The following KIAA0825 variants were observed in gnomAD, a reference collection of about 807,000 sequenced individuals.
The protein encoded by KIAA0825 is KIAA0825.
A neutral mutation model predicts 147.6 loss-of-function variants in KIAA0825; 119 were observed. The observed-to-expected ratio is 0.81, with a 90% confidence interval of 0.69 to 0.94. The LOEUF is 0.94. KIAA0825 is among the 40% of genes least tolerant of loss of function. The pLI, the probability that KIAA0825 is intolerant of heterozygous loss-of-function variation, is 0.00. For synonymous variants in KIAA0825, 470 were observed against 518.1 expected, an observed-to-expected ratio of 0.91 and a Z score of 1.26; for missense variants, 1,381 against 1,472.7, an observed-to-expected ratio of 0.94 and a Z score of 1.02.
At chr5:94,476,520 A>G (rs558189221) in intron 7 of KIAA0825, among the ~76,000 whole-genome samples, 106 of 152,310 alleles carry the variant, frequency 7.0e-4, no homozygotes, top group Middle Eastern at 6.8e-3. Flanking sequence ...TGTCACAGCC[A>G]TTATCAGAGA....
intron 20 of KIAA0825, among the ~76,000 whole-genome samples, chr5:94,170,463 G>A (rs1768516627): frequency 6.6e-6 from 1 of 152,192 alleles, no homozygotes; most frequent in African/African-American, 2.4e-5. Context: ...TGGGGATGAT[G>A]AGACCCATTC....
At chr5:94,237,251 C>T (rs1465715743) in intron 20 of KIAA0825, among the ~76,000 whole-genome samples, 1 of 152,076 alleles carries the variant, frequency 6.6e-6, no homozygotes, top group Non-Finnish European at 1.5e-5. Context: ...AAAAATCTTG[C>T]AGGATTTTTG....
intron 13 of KIAA0825, among the ~76,000 whole-genome samples, 192 bp from the exon 14 acceptor site, chr5:94,440,313 G>C (rs191399075): frequency 6.1e-4 from 93 of 152,226 alleles, no homozygotes; most frequent in African/African-American, 2.1e-3. Flanking sequence ...CTAGCTAAAA[G>C]CAAACTAACA....
intron 5 of KIAA0825, among the ~76,000 whole-genome samples, chr5:94,500,272 AG>A (rs1764908041): frequency 6.6e-6 from 1 of 152,210 alleles, no homozygotes; most frequent in Admixed American, 6.5e-5. Flanking sequence ...CTTAGAGGAA[AG>A]CAAGAATAAG....
intron 2 of KIAA0825, among the ~76,000 whole-genome samples, chr5:94,550,266 G>C (rs548850369): frequency 3.9e-5 from 6 of 152,216 alleles, no homozygotes; most frequent in African/African-American, 1.2e-4. Context: ...GAAACAATTT[G>C]GTGGACTTCC....
intron 20 of KIAA0825, among the ~76,000 whole-genome samples, chr5:94,334,896 GT>G (rs1183376005): frequency 3.3e-5 from 5 of 152,106 alleles, no homozygotes; most frequent in Non-Finnish European, 7.4e-5. Context: ...ATGTAATTCT[GT>G]TTAAAATACA....
chr5:94,370,169 A>T (rs935856936), intron 20 of KIAA0825, among the ~76,000 whole-genome samples: 4 of 152,290 alleles, frequency 2.6e-5, no homozygotes, highest in Admixed American at 1.3e-4. Flanking sequence ...AAAAAAATAA[A>T]AAAAAAAGGA....
At chr5:94,274,719 A>T (rs1777144798) in intron 20 of KIAA0825, among the ~76,000 whole-genome samples, 1 of 152,212 alleles carries the variant, frequency 6.6e-6, no homozygotes, top group African/African-American at 2.4e-5. Flanking sequence ...GCAACGGATG[A>T]GTAACAAGAT....
intron 5 of KIAA0825, chr5:94,519,378 A>G: frequency 1.1e-6 from 1 of 895,378 alleles, no homozygotes; most frequent in Non-Finnish European, 1.3e-6. Context: ...TACACCTCAG[A>G]TTTTATATAA....
intron 20 of KIAA0825, among the ~76,000 whole-genome samples, chr5:94,160,706 AAT>A (rs1039689923): frequency 1.3e-5 from 2 of 150,298 alleles, no homozygotes; most frequent in Non-Finnish European, 3.0e-5. Context: ...TTTAATATAT[AAT>A]ATATGTCTGT....
rs1761025731 is a variant in KIAA0825, at chr5:94,470,037, C to T, written c.1796G>A (p.Cys599Tyr). The T allele has an allele frequency of 1.9e-6, 3 of 1,551,500 alleles. No individual in the cohort carries two copies. Among genetic ancestry groups the T allele is most frequent in the Non-Finnish European group, 2.6e-6 (3 of 1,146,938 alleles). Reference sequence around the variant, plus strand: ...AATGCTTGTAGCACAAACTCTGACGCAGTAGTTCGTAACCTGAAACTGTAG... The same window carrying T: ...AATGCTTGTAGCACAAACTCTGACGTAGTAGTTCGTAACCTGAAACTGTAG... ...NTLQFQVTNY[C>Y]VRVCATSILQ... Residue 599 changes from cysteine (C) to tyrosine (Y), a missense_variant, in exon 10 of 21, where the codon TGC becomes TAC. Coordinates refer to ENST00000682413, the MANE Select transcript of KIAA0825 (RefSeq NM_001145678.3).
At chr5:94,427,300 G>A (rs1430118353) in intron 14 of KIAA0825, among the ~76,000 whole-genome samples, 2 of 152,108 alleles carry the variant, frequency 1.3e-5, no homozygotes, top group South Asian at 2.1e-4. Flanking sequence ...TTGGGAGGTC[G>A]AGTAGGGAGG....
At chr5:94,590,143 C>T (rs547573501) in intron 1 of KIAA0825, among the ~76,000 whole-genome samples, 7 of 152,132 alleles carry the variant, frequency 4.6e-5, no homozygotes, top group Admixed American at 1.3e-4. Context: ...TACAGGCATG[C>T]GCCACCACAC....
At chr5:94,281,932 C>T (rs1339192624) in intron 20 of KIAA0825, among the ~76,000 whole-genome samples, 1 of 152,106 alleles carries the variant, frequency 6.6e-6, no homozygotes, top group Non-Finnish European at 1.5e-5. Context: ...CCTTCCAAGT[C>T]TGACTTAATC....
chr5:94,190,858 CAT>C (rs928546561), intron 20 of KIAA0825, among the ~76,000 whole-genome samples: 18 of 151,854 alleles, frequency 1.2e-4, no homozygotes, highest in East Asian at 3.9e-4. Context: ...AAAATAAAAA[CAT>C]GTGTCTTAAT....
intron 1 of KIAA0825, among the ~76,000 whole-genome samples, chr5:94,583,088 C>T (rs1053928843): frequency 8.5e-5 from 13 of 152,164 alleles, no homozygotes; most frequent in African/African-American, 3.1e-4. Flanking sequence ...CTCCGGTCTA[C>T]AGCTCCCAGC....
In KIAA0825 at chr5:94,453,073, G is replaced by A. The variant is rs1406865054; in HGVS notation, c.2247-4C>T. ...ATCCAGGCCATGCTGAAAAGTCCTAGGGAAATACAAATAATTAGTTTAGAA... is the reference window on the plus strand; with the variant it reads ...ATCCAGGCCATGCTGAAAAGTCCTAAGGAAATACAAATAATTAGTTTAGAA... On this transcript the variant is annotated splice_polypyrimidine_tract_variant and splice_region_variant and intron_variant, in intron 12 of 20. Coordinates refer to ENST00000682413, the MANE Select transcript of KIAA0825 (RefSeq NM_001145678.3). 1 of 1,435,844 alleles carries A rather than the reference G, an allele frequency of 7.0e-7. No individual in the cohort carries two copies. The highest frequency in any genetic ancestry group is 1.3e-5 in the South Asian group (1 of 74,142). The allele number at this position is 1,435,844 out of a possible 1,614,324, so 88.9% of individuals were successfully genotyped here. A position where few individuals can be genotyped will look rare whatever the true frequency, so the allele number is the denominator to read the frequency against.
chr5:94,508,636 T>C (rs1562571681), intron 5 of KIAA0825, among the ~76,000 whole-genome samples: 1 of 152,182 alleles, frequency 6.6e-6, no homozygotes, highest in South Asian at 2.1e-4. Flanking sequence ...CAGATGCAGA[T>C]GCTGACAAAA....
rs542395983 is a variant in KIAA0825, at chr5:94,334,665, G to A, written c.3710+49703C>T. On this transcript the variant is annotated intron_variant, in intron 20 of 20. Transcript: ENST00000682413. Reference sequence around the variant, plus strand: ...GCCCAGCTAATTTTTTGTATTTTTCGTAGAGACAGGGTTTCACCATGTTGG... The same window carrying A: ...GCCCAGCTAATTTTTTGTATTTTTCATAGAGACAGGGTTTCACCATGTTGG... 3.3e-5 allele frequency among the ~76,000 whole-genome samples: 5 copies of A among 151,976 alleles called. No homozygotes were observed. The East Asian group carries it at 7.7e-4, about 24-fold the overall frequency.
Sources: gnomAD v4.1 joint callset for allele counts (sites outside exome capture counted in the v4.1 genomes callset) on GRCh38, gnomAD v4.1.1 for gene constraint, MANE v1.5 for transcripts, NCBI Gene and HGNC (gene_info 2026-07-23, HGNC 2026-07-21) for gene names.